The following CPED1 variants were observed in gnomAD, a reference collection of about 807,000 sequenced individuals.
CPED1 encodes the protein cadherin-like and PC-esterase domain-containing protein 1.
A neutral mutation model predicts 128.2 loss-of-function variants in CPED1; 114 were observed. The ratio of observed to expected loss-of-function variants is 0.89; its 90% confidence interval spans 0.76 to 1.04. The LOEUF (loss-of-function observed/expected upper bound fraction) is 1.04, where lower values mean the gene tolerates loss of function less well. Ranked by LOEUF, CPED1 falls within the 50% of genes least tolerant of loss-of-function variation. The pLI, the probability that CPED1 is intolerant of heterozygous loss-of-function variation, is 0.00. For synonymous variants in CPED1, 462 were observed against 426.7 expected (o/e 1.08, Z -1.02); for missense variants, 1,211 against 1,207.1 (o/e 1.00, Z -0.05).
At chr7:121,022,133 T>C (rs1252442358) in intron 3 of CPED1, among the ~76,000 whole-genome samples, 2 of 151,818 alleles carry the variant, frequency 1.3e-5, no homozygotes, top group Non-Finnish European at 2.9e-5. Flanking sequence ...ACCTTCCACA[T>C]AGGGGCATAT....
At chr7:121,002,534 G>A (rs955098909) in intron 2 of CPED1, among the ~76,000 whole-genome samples, 1 of 152,112 alleles carries the variant, frequency 6.6e-6, no homozygotes, top group South Asian at 2.1e-4. Flanking sequence ...AATCATACAA[G>A]CTAAACCTAC....
intron 16 of CPED1, among the ~76,000 whole-genome samples, chr7:121,172,849 A>G (rs932681264): frequency 6.6e-6 from 1 of 152,220 alleles, no homozygotes; most frequent in Non-Finnish European, 1.5e-5. Context: ...GACAGAGCCA[A>G]CTGGTTATGA....
intron 8 of CPED1, among the ~76,000 whole-genome samples, chr7:121,125,378 G>C (rs532196737): frequency 1.8e-4 from 27 of 152,174 alleles, no homozygotes; most frequent in African/African-American, 6.0e-4. Flanking sequence ...ATGCCATGGT[G>C]GTTTGCTGCA....
intron 3 of CPED1, among the ~76,000 whole-genome samples, chr7:121,036,614 T>A (rs927584949): frequency 6.6e-6 from 1 of 151,894 alleles, no homozygotes; most frequent in Non-Finnish European, 1.5e-5. Context: ...TGTGTAAGTA[T>A]CTTTTTCATA....
At chr7:121,285,679 G>C (rs1792553689) in intron 22 of CPED1, among the ~76,000 whole-genome samples, 2 of 152,120 alleles carry the variant, frequency 1.3e-5, no homozygotes, top group South Asian at 4.1e-4. Context: ...ATCTCCCTCT[G>C]AGACCACCTC....
At chr7:121,121,504 A>G (rs1240801739) in intron 7 of CPED1, among the ~76,000 whole-genome samples, 2 of 152,214 alleles carry the variant, frequency 1.3e-5, no homozygotes, top group Non-Finnish European at 2.9e-5. Flanking sequence ...TATAGTTTAT[A>G]AAATAGTTTC....
intron 11 of CPED1, among the ~76,000 whole-genome samples, chr7:121,129,291 A>ATATATATATATATACACG (rs1563037460): frequency 1.4e-4 from 10 of 71,478 alleles, no homozygotes; most frequent in African/African-American, 3.7e-4. Flanking sequence ...ATATATGTAT[A>ATATATATATATATACACG]TATATATATA....
chr7:121,038,004 C>T (rs897890552), intron 3 of CPED1, among the ~76,000 whole-genome samples: 2 of 152,134 alleles, frequency 1.3e-5, no homozygotes, highest in Admixed American at 1.3e-4. Flanking sequence ...TGAAACTTTG[C>T]TGAATTCGTT....
intron 16 of CPED1, among the ~76,000 whole-genome samples, chr7:121,228,036 A>T (rs951040486): frequency 5.9e-5 from 9 of 152,092 alleles, no homozygotes; most frequent in Non-Finnish European, 1.0e-4. Flanking sequence ...AATCCCAGAA[A>T]CTGTAAAAAT....
chr7:121,042,966 C>A (rs903592080), intron 3 of CPED1, among the ~76,000 whole-genome samples: 3 of 152,194 alleles, frequency 2.0e-5, no homozygotes, highest in African/African-American at 7.2e-5. Context: ...AGGGGCTTTG[C>A]CTGTTTTCAG....
chr7:121,001,936 T>C (rs376339534), intron 2 of CPED1, among the ~76,000 whole-genome samples: 1 of 152,096 alleles, frequency 6.6e-6, no homozygotes, highest in East Asian at 1.9e-4. Flanking sequence ...TCCAAAAGAA[T>C]GATATCATTA....
At chr7:121,036,230 C>T (rs1376000452) in intron 3 of CPED1, among the ~76,000 whole-genome samples, 1 of 152,102 alleles carries the variant, frequency 6.6e-6, no homozygotes, top group East Asian at 1.9e-4. Context: ...ATCACCCAAG[C>T]AGTGTATACT....
chr7:121,126,910 T>G (rs1795517098), intron 9 of CPED1, among the ~76,000 whole-genome samples, 180 bp from the exon 10 acceptor site: 1 of 151,792 alleles, frequency 6.6e-6, no homozygotes, highest in Non-Finnish European at 1.5e-5. Context: ...AATTGTATCT[T>G]TAAATTGTAT....
chr7:120,992,493 A>G (rs1423991482), intron 2 of CPED1, among the ~76,000 whole-genome samples: 1 of 152,186 alleles, frequency 6.6e-6, no homozygotes, highest in Non-Finnish European at 1.5e-5. Context: ...AGATATTCAG[A>G]ACTAAAAACA....
intron 5 of CPED1, among the ~76,000 whole-genome samples, chr7:121,087,339 C>T (rs1223408217): frequency 1.3e-5 from 2 of 152,144 alleles, no homozygotes; most frequent in Non-Finnish European, 2.9e-5. Flanking sequence ...TCATTGGTCT[C>T]TTTGTCCACT....
chr7:121,250,387 C>T (rs1751085988), intron 18 of CPED1, among the ~76,000 whole-genome samples: 1 of 151,656 alleles, frequency 6.6e-6, no homozygotes, highest in Admixed American at 6.6e-5. Context: ...CTAAAATTGA[C>T]ACCCTAACAT....
chr7:121,260,597 C>T (rs1385557246), intron 18 of CPED1, among the ~76,000 whole-genome samples: 5 of 151,850 alleles, frequency 3.3e-5, no homozygotes, highest in Admixed American at 6.6e-5. Context: ...TTATGCTTGG[C>T]TCTGGACCTA....
At chr7:121,029,935 G>T (rs1792688003) in intron 3 of CPED1, among the ~76,000 whole-genome samples, 2 of 152,068 alleles carry the variant, frequency 1.3e-5, no homozygotes, top group Non-Finnish European at 2.9e-5. Flanking sequence ...AAGATACAGT[G>T]TGTAAAAGAC....
intron 16 of CPED1, among the ~76,000 whole-genome samples, chr7:121,202,105 T>C (rs1797413053): frequency 1.3e-5 from 2 of 152,158 alleles, no homozygotes; most frequent in South Asian, 4.1e-4. Context: ...TTCTTAATTC[T>C]ACTCTCAGTA....
Sources: gnomAD v4.1 joint callset for allele counts (sites outside exome capture counted in the v4.1 genomes callset) on GRCh38, gnomAD v4.1.1 for gene constraint, MANE v1.5 for transcripts, NCBI Gene and HGNC (gene_info 2026-07-23, HGNC 2026-07-21) for gene names.